The following ELAPOR2 variants were observed in gnomAD, a reference collection of about 807,000 sequenced individuals.
ELAPOR2 encodes the protein endosome/lysosome-associated apoptosis and autophagy regulator family member 2.
A neutral mutation model predicts 120.7 loss-of-function variants in ELAPOR2; 89 were observed. That is an observed-to-expected ratio of 0.74 (90% CI 0.62 to 0.88). The LOEUF (loss-of-function observed/expected upper bound fraction) is 0.88, where lower values mean the gene tolerates loss of function less well. ELAPOR2 is among the 40% of genes least tolerant of loss of function. The probability of loss-of-function intolerance (pLI) is 0.00; values close to 1 mark genes in which losing one functional copy is unlikely to be tolerated. For missense variants in ELAPOR2, 1,134 were observed against 1,251.6 expected, an observed-to-expected ratio of 0.91 and a Z score of 1.42; for synonymous variants, 444 against 444.9, an observed-to-expected ratio of 1.00 and a Z score of 0.03.
intron 12 of ELAPOR2, 60 bp from the exon 13 acceptor site, chr7:86,914,920 GT>G: frequency 8.0e-7 from 1 of 1,254,334 alleles, no homozygotes; most frequent in Non-Finnish European, 1.1e-6. Context: ...TAATATACCT[GT>G]GTATATATTA....
intron 18 of ELAPOR2, among the ~76,000 whole-genome samples, chr7:86,903,366 G>T (rs1429678174): frequency 6.6e-6 from 1 of 151,970 alleles, no homozygotes; most frequent in African/African-American, 2.4e-5. Context: ...GAACGTATTT[G>T]GTTTTGGTCT....
intron 1 of ELAPOR2, among the ~76,000 whole-genome samples, chr7:87,011,028 G>A (rs1323908112): frequency 6.6e-6 from 1 of 151,958 alleles, no homozygotes; most frequent in East Asian, 1.9e-4. Flanking sequence ...AGCACTTTGG[G>A]AGGCCAAGGC....
chr7:87,043,088 A>C (rs929123650), intron 1 of ELAPOR2, among the ~76,000 whole-genome samples: 1 of 152,044 alleles, frequency 6.6e-6, no homozygotes, highest in African/African-American at 2.4e-5. Flanking sequence ...GAATAGACCA[A>C]TAACAGGAGC....
At chr7:87,039,348 C>T (rs1002391470) in intron 1 of ELAPOR2, among the ~76,000 whole-genome samples, 16 of 152,136 alleles carry the variant, frequency 1.1e-4, no homozygotes, top group African/African-American at 3.9e-4. Context: ...GAACTAATCT[C>T]GGTCCAACTC....
At chr7:87,045,379 C>T (rs1562984477) in intron 1 of ELAPOR2, among the ~76,000 whole-genome samples, 3 of 150,196 alleles carry the variant, frequency 2.0e-5, no homozygotes, top group African/African-American at 5.0e-5. Flanking sequence ...CAATGATAGA[C>T]TGGATTAAGA....
intron 1 of ELAPOR2, among the ~76,000 whole-genome samples, chr7:87,041,372 G>C (rs553271498): frequency 6.6e-6 from 1 of 152,226 alleles, no homozygotes; most frequent in Non-Finnish European, 1.5e-5. Flanking sequence ...AGAAAGGTCT[G>C]GTTACCCTTA....
intron 1 of ELAPOR2, among the ~76,000 whole-genome samples, chr7:86,989,829 A>C (rs1635030): frequency 0.38 from 57,310 of 151,514 alleles, 11,686 homozygotes; most frequent in African/African-American, 0.53. Flanking sequence ...TAGTGTAGAA[A>C]AAAATTATAA....
chr7:86,933,142 AC>A (rs1162649464), intron 8 of ELAPOR2, among the ~76,000 whole-genome samples: 2 of 151,140 alleles, frequency 1.3e-5, no homozygotes, highest in Admixed American at 1.3e-4. Context: ...ATATATATAT[AC>A]AATACTATAC....
chr7:86,999,426 TC>T (rs1482333000), intron 1 of ELAPOR2, among the ~76,000 whole-genome samples: 1 of 152,174 alleles, frequency 6.6e-6, no homozygotes, highest in Non-Finnish European at 1.5e-5. Flanking sequence ...CTAGGGTAAC[TC>T]TTAACTAATC....
rs147693122 is a variant in ELAPOR2, at chr7:87,006,319, G to A, written c.190-41295C>T. 1.1e-3 allele frequency among the ~76,000 whole-genome samples: 165 copies of A among 150,000 alleles called. 2 individuals are homozygous for A. The East Asian group carries it at 0.03, about 27-fold the overall frequency. ...TGCCAGGGAAATGCAAATTAAAATC[G>A]CGATGAGGCACCACTACACATCCAC... is the stretch of plus-strand genomic sequence containing the variant. On this transcript the variant is annotated intron_variant, in intron 1 of 21. Coordinates refer to ENST00000450689, the MANE Select transcript of ELAPOR2 (RefSeq NM_001142749.3).
intron 1 of ELAPOR2, among the ~76,000 whole-genome samples, chr7:87,013,683 A>G (rs545752780): frequency 1.8e-4 from 28 of 152,294 alleles, no homozygotes; most frequent in African/African-American, 6.5e-4. Context: ...TCCCTTCATA[A>G]GCATCTCCAC....
chr7:87,050,306 G>A (rs1048272890), intron 1 of ELAPOR2, among the ~76,000 whole-genome samples: 3 of 152,142 alleles, frequency 2.0e-5, no homozygotes, highest in African/African-American at 7.2e-5. Context: ...CCTGGTGGGA[G>A]GTGTCTGGAT....
intron 14 of ELAPOR2, 74 bp from the exon 15 acceptor site, chr7:86,912,319 G>T: frequency 2.1e-6 from 2 of 954,428 alleles, no homozygotes; most frequent in Middle Eastern, 5.7e-4. Flanking sequence ...TTTGAAAAAA[G>T]TTCTAGGTAT....
At chr7:86,897,722 T>C (rs776837480) in intron 18 of ELAPOR2, 90 bp from the exon 19 acceptor site, 57 of 1,441,990 alleles carry the variant, frequency 4.0e-5, no homozygotes, top group Admixed American at 5.4e-5. Flanking sequence ...ACCTATCACA[T>C]GCTGGGGAGC....
At position 86,919,210 on chromosome 7, in the gene ELAPOR2, T is replaced by C; in HGVS notation, c.1490+10A>G. 6.3e-7 allele frequency: 1 copy of C among 1,592,440 alleles called. No individual in the cohort carries two copies. The highest frequency in any genetic ancestry group is 8.6e-7 in the Non-Finnish European group (1 of 1,161,566). On this transcript the variant is annotated intron_variant, in intron 11 of 21. Transcript: ENST00000450689. ...TTCTTACAGAAAAGAATTAGAATTG[T>C]TTTCCTTACTTAAATCCTGGGATAT...
chr7:87,033,431 A>C (rs951621282), intron 1 of ELAPOR2, among the ~76,000 whole-genome samples: 2 of 152,340 alleles, frequency 1.3e-5, no homozygotes, highest in Non-Finnish European at 2.9e-5. Flanking sequence ...GCTTTTCAAC[A>C]TATCAGGGAA....
intron 1 of ELAPOR2, among the ~76,000 whole-genome samples, chr7:87,048,868 A>G (rs1410310971): frequency 6.6e-6 from 1 of 152,212 alleles, no homozygotes; most frequent in Non-Finnish European, 1.5e-5. Flanking sequence ...TGTTGTCCAG[A>G]GTATACAGTT....
intron 18 of ELAPOR2, among the ~76,000 whole-genome samples, chr7:86,907,065 C>T (rs914831085): frequency 1.1e-4 from 17 of 152,074 alleles, no homozygotes; most frequent in African/African-American, 4.1e-4. Context: ...CCAAAGCGAA[C>T]TGCATTATTC....
At chr7:87,044,766 T>C (rs1218596943) in intron 1 of ELAPOR2, among the ~76,000 whole-genome samples, 1 of 151,684 alleles carries the variant, frequency 6.6e-6, no homozygotes, top group Admixed American at 6.6e-5. Flanking sequence ...CGGGATCTAA[T>C]TAAACTAAAC....
Sources: gnomAD v4.1 joint callset for allele counts (sites outside exome capture counted in the v4.1 genomes callset) on GRCh38, gnomAD v4.1.1 for gene constraint, MANE v1.5 for transcripts, NCBI Gene and HGNC (gene_info 2026-07-23, HGNC 2026-07-21) for gene names.